The following STXBP5 variants were observed in gnomAD, a reference collection of about 807,000 sequenced individuals.
STXBP5 encodes syntaxin binding protein 5, also known as syntaxin-binding protein 5.
In STXBP5, 50 loss-of-function variants were observed where a neutral mutation model predicts 152.4. The observed-to-expected ratio is 0.33, with a 90% CI of 0.26 to 0.42. The LOEUF (loss-of-function observed/expected upper bound fraction) is 0.42, where lower values mean the gene tolerates loss of function less well. Among genes scored for constraint, STXBP5 ranks in the 10% least tolerant of loss-of-function variants. STXBP5 has a pLI of 1.00. For synonymous variants in STXBP5, 492 were observed against 494.7 expected (o/e 0.99, Z 0.07); for missense variants, 1,167 against 1,388.6 (o/e 0.84, Z 2.54).
intron 2 of STXBP5, among the ~76,000 whole-genome samples, chr6:147,212,653 G>C (rs1776915360): frequency 6.6e-6 from 1 of 152,132 alleles, no homozygotes; most frequent in South Asian, 2.1e-4. Flanking sequence ...CTGAGTTCCT[G>C]TTAAAGAGAA....
chr6:147,218,738 C>A (rs1777308129), intron 2 of STXBP5, among the ~76,000 whole-genome samples: 1 of 152,204 alleles, frequency 6.6e-6, no homozygotes, highest in Non-Finnish European at 1.5e-5. Flanking sequence ...TCCCAAAGTG[C>A]TGGGGTTTAC....
At chr6:147,348,937 G>C (rs1324494144) in intron 21 of STXBP5, among the ~76,000 whole-genome samples, 1 of 152,068 alleles carries the variant, frequency 6.6e-6, no homozygotes, top group Non-Finnish European at 1.5e-5. Context: ...ACTTTTAAAA[G>C]TGGTAGGAAA....
chr6:147,216,249 G>T (rs188465796), intron 2 of STXBP5, among the ~76,000 whole-genome samples: 1 of 152,152 alleles, frequency 6.6e-6, no homozygotes, highest in African/African-American at 2.4e-5. Flanking sequence ...AAAATTTGCC[G>T]AGCGTGGTGG....
intron 4 of STXBP5, among the ~76,000 whole-genome samples, chr6:147,249,072 C>T (rs897896274): frequency 1.3e-5 from 2 of 152,156 alleles, no homozygotes; most frequent in African/African-American, 4.8e-5. Context: ...AGCTTGGGAG[C>T]AGATTCTTTC....
In STXBP5 at chr6:147,302,259, G is replaced by A. The variant is rs185307602; in HGVS notation, c.918-7825G>A. Among the ~76,000 whole-genome samples the A allele has an allele frequency of 1.6e-3, 240 of 152,118 alleles. 1 individual carries two copies. Among genetic ancestry groups the A allele is most frequent in the Non-Finnish European group, 6.0e-4 (41 of 67,988 alleles). On this transcript the variant is annotated intron_variant, in intron 9 of 27. Coordinates refer to ENST00000321680, the MANE Select transcript of STXBP5 (RefSeq NM_001127715.4). ...TTTAGAGTCAAAACTCCCAACACTG[G>A]TATTTTGTCTTGAAAGACACCAAAA...
intron 21 of STXBP5, among the ~76,000 whole-genome samples, chr6:147,340,722 C>G (rs969419406): frequency 3.3e-5 from 5 of 151,892 alleles, no homozygotes; most frequent in Admixed American, 3.3e-4. Flanking sequence ...ATATTTTGTG[C>G]TGGGGTTCTA....
At chr6:147,289,699 A>G (rs2128350782) in intron 8 of STXBP5, among the ~76,000 whole-genome samples, 1 of 152,330 alleles carries the variant, frequency 6.6e-6, no homozygotes, top group East Asian at 1.9e-4. Flanking sequence ...CATCAGATTA[A>G]AATAAGTTAC....
In STXBP5 at chr6:147,333,650, A is replaced by G. The variant is rs1783691458; in HGVS notation, c.2081-507A>G. ...GAATTCAGTACTCATGTTCTTAGGA[A>G]ATGTTACTTTGAAAGCTTTCTCAGT... On this transcript the variant is annotated intron_variant, in intron 18 of 27. Transcript: ENST00000321680. Among the ~76,000 whole-genome samples, 7 of 152,342 alleles carry G rather than the reference A, an allele frequency of 4.6e-5. No homozygotes were observed. In the South Asian group the frequency reaches 1.5e-3, roughly 32 times the overall value.
At chr6:147,298,264 C>A (rs1340237959) in intron 9 of STXBP5, among the ~76,000 whole-genome samples, 1 of 151,842 alleles carries the variant, frequency 6.6e-6, no homozygotes, top group Non-Finnish European at 1.5e-5. Context: ...CATTATGTAA[C>A]AATGAAGGGA....
chr6:147,369,342 A>C (rs1017276577), intron 25 of STXBP5, among the ~76,000 whole-genome samples: 3 of 152,086 alleles, frequency 2.0e-5, no homozygotes, highest in African/African-American at 7.2e-5. Context: ...ATGGACCTAC[A>C]TGGAAACCCC....
At chr6:147,276,165 A>G (rs183920896) in intron 7 of STXBP5, among the ~76,000 whole-genome samples, 3 of 152,320 alleles carry the variant, frequency 2.0e-5, no homozygotes, top group East Asian at 1.9e-4. Flanking sequence ...TACTGTATAC[A>G]TATTTTTAAA....
chr6:147,231,567 C>T (rs1317708428), intron 2 of STXBP5, among the ~76,000 whole-genome samples: 1 of 151,784 alleles, frequency 6.6e-6, no homozygotes, highest in Non-Finnish European at 1.5e-5. Context: ...TTTAGAGTTA[C>T]AAGCTAAGAT....
chr6:147,283,640 C>T (rs1780806039), intron 8 of STXBP5, among the ~76,000 whole-genome samples: 2 of 152,110 alleles, frequency 1.3e-5, no homozygotes, highest in African/African-American at 2.4e-5. Context: ...TCAGGAAGGC[C>T]CTTGTAATGA....
chr6:147,291,714 AT>A (rs1781285517), intron 9 of STXBP5, among the ~76,000 whole-genome samples: 1 of 152,112 alleles, frequency 6.6e-6, no homozygotes, highest in African/African-American at 2.4e-5. Context: ...TTTTATGTAT[AT>A]TTTTGTGTCA....
intron 16 of STXBP5, among the ~76,000 whole-genome samples, chr6:147,324,246 T>A (rs1783089900): frequency 6.7e-6 from 1 of 149,690 alleles, no homozygotes; most frequent in African/African-American, 2.5e-5. Context: ...TTTTTAAGTT[T>A]TGTGGGGTTT....
At chr6:147,245,604 C>T (rs1312716417) in intron 4 of STXBP5, among the ~76,000 whole-genome samples, 1 of 152,074 alleles carries the variant, frequency 6.6e-6, no homozygotes, top group Non-Finnish European at 1.5e-5. Flanking sequence ...GAATTGTTTT[C>T]CCAGAAAAGA....
intron 4 of STXBP5, among the ~76,000 whole-genome samples, chr6:147,244,537 A>G (rs1476669796): frequency 6.6e-6 from 1 of 152,164 alleles, no homozygotes; most frequent in South Asian, 2.1e-4. Flanking sequence ...CCGAAATTGC[A>G]ATGTTTTTAT....
At chr6:147,358,934 CA>C in intron 22 of STXBP5, 149 bp from the exon 23 acceptor site, 1 of 949,818 alleles carries the variant, frequency 1.1e-6, no homozygotes, top group Non-Finnish European at 1.5e-6. Flanking sequence ...CCATGTTGTT[CA>C]AGGATCAACT....
intron 18 of STXBP5, among the ~76,000 whole-genome samples, chr6:147,327,976 A>G (rs1476563935): frequency 1.5e-4 from 23 of 152,258 alleles, no homozygotes; most frequent in Admixed American, 1.5e-3. Flanking sequence ...GGAAAATGCA[A>G]AAGTAAATTT....
Sources: gnomAD v4.1 joint callset for allele counts (sites outside exome capture counted in the v4.1 genomes callset) on GRCh38, gnomAD v4.1.1 for gene constraint, MANE v1.5 for transcripts, NCBI Gene and HGNC (gene_info 2026-07-23, HGNC 2026-07-21) for gene names.